CNTNAP2: variants seen among roughly 807,000 people sequenced by gnomAD.
CNTNAP2 encodes contactin-associated protein-like 2.
A neutral mutation model predicts 155.2 loss-of-function variants in CNTNAP2; 98 were observed. The observed-to-expected ratio is 0.63, with a 90% confidence interval of 0.54 to 0.75. The LOEUF (loss-of-function observed/expected upper bound fraction) is 0.75. Among genes scored for constraint, CNTNAP2 ranks in the 30% least tolerant of loss-of-function variants. CNTNAP2 has a pLI of 0.00. For synonymous variants in CNTNAP2, 651 were observed against 631.2 expected, an observed-to-expected ratio of 1.03 and a Z score of -0.47; for missense variants, 1,727 against 1,688.1, an observed-to-expected ratio of 1.02 and a Z score of -0.40.
intron 20 of CNTNAP2, among the ~76,000 whole-genome samples, chr7:148,234,743 C>G (rs1428515579): frequency 6.6e-6 from 1 of 152,138 alleles, no homozygotes; most frequent in African/African-American, 2.4e-5. Flanking sequence ...TGAACTGATC[C>G]TAGGATAAAA....
chr7:147,928,854 G>T (rs1800445673), intron 14 of CNTNAP2, among the ~76,000 whole-genome samples: 3 of 151,978 alleles, frequency 2.0e-5, no homozygotes, highest in Admixed American at 1.3e-4. Context: ...ACTTTGAGAG[G>T]CTGAAGGGGG....
At chr7:147,295,941 A>G (rs1805434077) in intron 8 of CNTNAP2, among the ~76,000 whole-genome samples, 1 of 152,204 alleles carries the variant, frequency 6.6e-6, no homozygotes, top group Non-Finnish European at 1.5e-5. Context: ...AGTTCCTGGA[A>G]GAAAATAAAA....
chr7:146,644,247 A>G (rs1430211973), intron 1 of CNTNAP2, among the ~76,000 whole-genome samples: 2 of 152,128 alleles, frequency 1.3e-5, no homozygotes, highest in African/African-American at 4.8e-5. Context: ...TTCAAAGGGA[A>G]TGCTTCCAGT....
chr7:146,135,130 A>G (rs561745036), intron 1 of CNTNAP2, among the ~76,000 whole-genome samples: 4 of 152,280 alleles, frequency 2.6e-5, no homozygotes, highest in African/African-American at 9.6e-5. Context: ...TTGAGTAGCA[A>G]TATTTTAAAC....
chr7:147,110,115 G>T, intron 5 of CNTNAP2, among the ~76,000 whole-genome samples: 1 of 151,916 alleles, frequency 6.6e-6, no homozygotes, highest in Non-Finnish European at 1.5e-5. Flanking sequence ...AGTAGAGATG[G>T]GGTTTCACCA....
chr7:147,070,937 G>A (rs1799878421), intron 4 of CNTNAP2, among the ~76,000 whole-genome samples: 2 of 148,192 alleles, frequency 1.3e-5, no homozygotes, highest in Admixed American at 1.3e-4. Flanking sequence ...ACCACTGGCA[G>A]TGTGTGTGTG....
At chr7:146,187,890 C>G (rs1344074380) in intron 1 of CNTNAP2, among the ~76,000 whole-genome samples, 2 of 152,130 alleles carry the variant, frequency 1.3e-5, no homozygotes, top group African/African-American at 4.8e-5. Context: ...TTTCCACAAC[C>G]CATTAATACG....
At chr7:146,470,815 G>T (rs1796786915) in intron 1 of CNTNAP2, among the ~76,000 whole-genome samples, 1 of 152,006 alleles carries the variant, frequency 6.6e-6, no homozygotes, top group Non-Finnish European at 1.5e-5. Context: ...TGATCCGCCT[G>T]CCTGGGCCTC....
chr7:148,003,259 A>G (rs1174355538), intron 15 of CNTNAP2, among the ~76,000 whole-genome samples: 1 of 152,140 alleles, frequency 6.6e-6, no homozygotes, highest in Non-Finnish European at 1.5e-5. Context: ...TGAAGGGATG[A>G]GATCAGAATT....
intron 1 of CNTNAP2, among the ~76,000 whole-genome samples, chr7:146,722,641 A>C (rs1275043037): frequency 6.6e-6 from 1 of 152,108 alleles, no homozygotes; most frequent in African/African-American, 2.4e-5. Flanking sequence ...GTTAGAAAAC[A>C]CTAGGCATTA....
intron 11 of CNTNAP2, among the ~76,000 whole-genome samples, chr7:147,515,321 C>CTTTTTTTTTTTTTTT (rs763147267): frequency 2.4e-5 from 3 of 126,154 alleles, no homozygotes; most frequent in Non-Finnish European, 3.3e-5. Flanking sequence ...TCATTATATT[C>CTTTTTTTTTTTTTTT]TTTTTTTGTT....
At chr7:147,960,966 G>T (rs866679260) in intron 14 of CNTNAP2, among the ~76,000 whole-genome samples, 1 of 152,150 alleles carries the variant, frequency 6.6e-6, no homozygotes, top group Non-Finnish European at 1.5e-5. Context: ...AGTTGGTGAA[G>T]TTAACTCAAG....
At chr7:148,312,694 G>A (rs1797615493) in intron 21 of CNTNAP2, among the ~76,000 whole-genome samples, 1 of 152,134 alleles carries the variant, frequency 6.6e-6, no homozygotes, top group Admixed American at 6.5e-5. Context: ...CAGGTAAAAT[G>A]GGGGAATTGT....
intron 8 of CNTNAP2, among the ~76,000 whole-genome samples, chr7:147,297,027 A>G (rs1414145518): frequency 2.0e-5 from 3 of 152,198 alleles, no homozygotes; most frequent in Admixed American, 6.5e-5. Context: ...TTACAAATGG[A>G]CTTAGGATGA....
At chr7:148,371,229 A>C (rs993664092) in intron 21 of CNTNAP2, among the ~76,000 whole-genome samples, 1 of 152,180 alleles carries the variant, frequency 6.6e-6, no homozygotes. Context: ...GTTTTCTTCT[A>C]TCAGCCCCAT....
intron 21 of CNTNAP2, among the ~76,000 whole-genome samples, chr7:148,281,835 CTTTTTTTT>C (rs58086860): frequency 0.16 from 19,802 of 123,506 alleles, 1,654 homozygotes; most frequent in African/African-American, 0.26. Context: ...ACAACGTTTC[CTTTTTTTT>C]TTTTTTTTTT....
chr7:147,335,742 TTG>T (rs1795653802), intron 9 of CNTNAP2, among the ~76,000 whole-genome samples: 1 of 152,340 alleles, frequency 6.6e-6, no homozygotes, highest in African/African-American at 2.4e-5. Flanking sequence ...ATCCTCTCTA[TTG>T]TGTCATAATA....
intron 14 of CNTNAP2, among the ~76,000 whole-genome samples, chr7:147,953,350 T>A (rs185199083): frequency 6.6e-6 from 1 of 152,288 alleles, no homozygotes; most frequent in Admixed American, 6.5e-5. Context: ...CTAAATTACA[T>A]GAGTGGGACA....
chr7:147,561,076 G>A (rs557914716), intron 11 of CNTNAP2, among the ~76,000 whole-genome samples: 9 of 151,946 alleles, frequency 5.9e-5, no homozygotes, highest in Non-Finnish European at 1.2e-4. Context: ...AATCCAGAGA[G>A]GTGGCAATGA....
Sources: allele counts gnomAD v4.1 joint callset (sites outside exome capture counted in the v4.1 genomes callset), GRCh38; gene constraint gnomAD v4.1.1; transcripts MANE v1.5; gene names NCBI Gene and HGNC (gene_info 2026-07-23, HGNC 2026-07-21).